QRICH2: variants seen among roughly 807,000 people sequenced by gnomAD.
QRICH2 encodes glutamine-rich protein 2.
QRICH2 carries 119 observed loss-of-function variants against 168.3 expected under a neutral mutation model. That is an observed-to-expected ratio of 0.71 (90% CI 0.61 to 0.82). The LOEUF is 0.82. QRICH2 is among the 40% of genes least tolerant of loss of function. The pLI, the probability that QRICH2 is intolerant of heterozygous loss-of-function variation, is 0.00. For missense variants in QRICH2, 2,241 were observed against 2,491.6 expected, an observed-to-expected ratio of 0.90 and a Z score of 2.14; for synonymous variants, 894 against 951.2, an observed-to-expected ratio of 0.94 and a Z score of 1.11.
Position 76,293,186 on chromosome 17 carries a change from C to A in QRICH2, c.1541G>T (p.Gly514Val). The A allele has an allele frequency of 6.2e-7, 1 of 1,614,210 alleles. No homozygotes were observed. The highest frequency in any genetic ancestry group is 8.5e-7 in the Non-Finnish European group (1 of 1,180,034). Reference protein sequence around the residue: ...GLVPPGIDQQGLTLPVVDQHG... With the variant: ...GLVPPGIDQQVLTLPVVDQHG... ...TTGATCGACGACAGGCAATGTCAAT[C>A]CTTGCTGGTCTATACCAGGGGGTAC... The change falls in exon 4 of 19, where the codon GGA becomes GTA. Residue 514 changes from glycine (G) to valine (V), a missense_variant. By Grantham distance (109) the Gly-to-Val change is moderately radical (BLOSUM62 -3). Transcript: ENST00000680821.
chr17:76,300,627 G>A, intron 3 of QRICH2, among the ~76,000 whole-genome samples: 1 of 152,184 alleles, frequency 6.6e-6, no homozygotes. Context: ...CCTGCATCAT[G>A]AGTAGAGGGC....
upstream of QRICH2, among the ~76,000 whole-genome samples, chr17:76,308,802 A>G (rs770308280): frequency 6.6e-6 from 1 of 151,794 alleles, no homozygotes. Context: ...CTGTAGTGCA[A>G]TGGCACGATC....
At chr17:76,288,032 C>G in intron 5 of QRICH2, 135 bp from the exon 6 acceptor site, 6 of 670,628 alleles carry the variant, frequency 8.9e-6, no homozygotes, top group Non-Finnish European at 1.1e-5. Flanking sequence ...GCCAGGAGCC[C>G]TTGTGGACAT....
rs1251514941 is a variant in QRICH2 at position 76,293,626 on chromosome 17, G to C, written c.1101C>G (p.Pro367=). Residue 367 remains proline (P), a synonymous_variant, in exon 4 of 19, where the codon CCC becomes CCG. Transcript: ENST00000680821. ...ARPGPVQQDL[P]LARDQPSSVP... ...CACTACTGGGCTGGTCTCTGGCCAA[G>C]GGTAAGTCCTGTTGAACTGGACCAG... 1 of 1,614,198 alleles carries C rather than the reference G, an allele frequency of 6.2e-7. No individual in the cohort carries two copies. Among genetic ancestry groups the C allele is most frequent in the South Asian group, 1.1e-5 (1 of 91,078 alleles).
rs771373959 is a variant in QRICH2 at position 76,294,021 on chromosome 17, C to A, written c.706G>T (p.Gly236Cys). The A allele has an allele frequency of 4.4e-6, 7 of 1,590,732 alleles. No homozygotes were observed. The East Asian group carries it at 1.6e-4, about 36-fold the overall frequency. ...ITDGWRASQA[G>C]SETLMGFSKH... The stretch of plus-strand genomic sequence containing the variant: ...GAAAATCCCATAAGTGTTTCTGAGC[C>A]CTGGTTGGAGAGGAAGAAGGAAATC... Residue 236 changes from glycine to cysteine, a missense_variant and splice_region_variant, in exon 4 of 19, where the codon GGC becomes TGC. Gly to Cys is a radical substitution (Grantham distance 159). Coordinates refer to ENST00000680821, the MANE Select transcript of QRICH2 (RefSeq NM_001388453.1).
intron 5 of QRICH2, 105 bp downstream of exon 5, chr17:76,289,887 G>A (rs1050543767): frequency 4.3e-6 from 3 of 694,320 alleles, no homozygotes; most frequent in African/African-American, 1.8e-5. Context: ...GGGAGGTGGA[G>A]GTTGAGTGAG....
At chr17:76,300,836 G>A (rs1290406152) in intron 3 of QRICH2, among the ~76,000 whole-genome samples, 2 of 152,266 alleles carry the variant, frequency 1.3e-5, no homozygotes, top group South Asian at 2.1e-4. Context: ...CAGATCACCC[G>A]AGGTCAGGAG....
intron 5 of QRICH2, among the ~76,000 whole-genome samples, chr17:76,288,383 TAAAAAAAAA>T (rs770162922): frequency 0.021 from 841 of 39,222 alleles, 19 homozygotes; most frequent in African/African-American, 0.095. Context: ...GAATCAGTCT[TAAAAAAAAA>T]AAAAAAAAAA....
chr17:76,295,331 T>A (rs2070778661), intron 3 of QRICH2, among the ~76,000 whole-genome samples: 1 of 151,858 alleles, frequency 6.6e-6, no homozygotes, highest in Admixed American at 6.6e-5. Context: ...CTGATAAAAG[T>A]GTATACTGGA....
intron 7 of QRICH2, among the ~76,000 whole-genome samples, chr17:76,284,168 C>CAAAA (rs61553346): frequency 2.4e-4 from 15 of 62,748 alleles, no homozygotes; most frequent in African/African-American, 2.2e-4. Flanking sequence ...ACTCTGTCTC[C>CAAAA]AAAAAAAAAA....
At chr17:76,303,598 C>T (rs1438107459) in intron 3 of QRICH2, among the ~76,000 whole-genome samples, 1 of 152,042 alleles carries the variant, frequency 6.6e-6, no homozygotes, top group Non-Finnish European at 1.5e-5. Flanking sequence ...CGGCCGGGCG[C>T]GGTGGCTCAC....
intron 7 of QRICH2, 75 bp downstream of exon 7, chr17:76,287,117 A>T: frequency 3.7e-6 from 3 of 819,276 alleles, no homozygotes; most frequent in East Asian, 2.8e-5. Context: ...TTTTGATGAG[A>T]GGTGGGAGGG....
chr17:76,296,853 G>A (rs922939467), intron 3 of QRICH2, among the ~76,000 whole-genome samples: 3 of 152,062 alleles, frequency 2.0e-5, no homozygotes, highest in Non-Finnish European at 4.4e-5. Flanking sequence ...GAGGTCTGTG[G>A]AGGATCCCCT....
chr17:76,293,889 C>A lies in QRICH2; in HGVS notation c.838G>T (p.Gly280Cys), dbSNP rs1204709935. The change falls in exon 4 of 19, where the codon GGC becomes TGC. Residue 280 changes from glycine to cysteine, a missense_variant. Physicochemically the swap from Gly to Cys is radical, Grantham distance 159. This residue lies in a region of QRICH2 where 2,047 missense variants were observed against 2,303.8 expected (regional missense o/e 0.89). Transcript: ENST00000680821. ...EQALDSASGL[G>C]PDRTASGSGG... ...GATCCTGATGCAGTCCGATCCGGGC[C>A]AAGACCACTGGCAGAATCCAGAGCC... 3 of 1,614,136 alleles carry A rather than the reference C, an allele frequency of 1.9e-6. No individual in the cohort carries two copies. In the South Asian group the frequency reaches 3.3e-5, roughly 18 times the overall value.
chr17:76,277,960 T>G, intron 15 of QRICH2, 29 bp downstream of exon 15: 1 of 1,601,680 alleles, frequency 6.2e-7, no homozygotes, highest in Non-Finnish European at 8.5e-7. Context: ...GGGTGCCTGC[T>G]CCCATGGCCT....
At chr17:76,306,329 C>T (rs1257124853) in intron 1 of QRICH2, among the ~76,000 whole-genome samples, 4 of 152,128 alleles carry the variant, frequency 2.6e-5, no homozygotes, top group East Asian at 3.9e-4. Context: ...AGGGCATGAG[C>T]GGCCAGGGCT....
Position 76,292,672 on chromosome 17 carries a change from T to A in QRICH2, c.2055A>T (p.Ala685=), listed in dbSNP as rs769245156. ...CAGGTTGGACCAAGCCAGGCTGATATGCACCAGGCTGCACCAAAGCACGCT... is the reference window on the plus strand; with the variant it reads ...CAGGTTGGACCAAGCCAGGCTGATAAGCACCAGGCTGCACCAAAGCACGCT... The part of the protein sequence containing the change: ...RFQRALVQPG[A]YQPGLVQPGA... Residue 685 remains alanine (A), a synonymous_variant, in exon 4 of 19, where the codon GCA becomes GCT. Coordinates refer to ENST00000680821, the MANE Select transcript of QRICH2 (RefSeq NM_001388453.1). 7 of 1,613,790 alleles carry A rather than the reference T, an allele frequency of 4.3e-6. No homozygotes were observed. The Admixed American group carries it at 1.0e-4, about 23-fold the overall frequency.
intron 18 of QRICH2, 66 bp downstream of exon 18, chr17:76,275,753 C>T (rs1487103242): frequency 1.9e-6 from 3 of 1,567,168 alleles, no homozygotes; most frequent in Admixed American, 3.5e-5. Flanking sequence ...CCTACATGAG[C>T]AGGAAAGGGG....
Position 76,304,410 on chromosome 17 carries a change from T to C in QRICH2, c.705+5A>G, listed in dbSNP as rs1485250006. The C allele has an allele frequency of 6.2e-7, 1 of 1,606,198 alleles. No individual in the cohort carries two copies. Among genetic ancestry groups the C allele is most frequent in the Non-Finnish European group, 8.5e-7 (1 of 1,174,716 alleles). ...AGACCACGGCCCAGGCCCCCACTGG[T>C]TCACCGCTTGTGAGGCTCTCCAGCC... On this transcript the variant is annotated splice_donor_5th_base_variant and intron_variant, in intron 3 of 18. Transcript: ENST00000680821.
Sources: gnomAD v4.1 joint callset for allele counts (sites outside exome capture counted in the v4.1 genomes callset) on GRCh38, gnomAD v4.1.1 for gene constraint, gnomAD v4.1.1 regional missense constraint, MANE v1.5 for transcripts, NCBI Gene and HGNC (gene_info 2026-07-23, HGNC 2026-07-21) for gene names.